Variants in RPTOR observed in about 807,000 individuals in gnomAD.
RPTOR encodes regulatory-associated protein of mTOR.
RPTOR carries 21 observed loss-of-function variants against 169.9 expected under a neutral mutation model. The observed-to-expected ratio is 0.12, with a 90% CI of 0.09 to 0.18. The LOEUF (loss-of-function observed/expected upper bound fraction) is 0.18. Among genes scored for constraint, RPTOR ranks in the 10% least tolerant of loss-of-function variants. RPTOR has a pLI of 1.00. For synonymous variants in RPTOR, 732 were observed against 753.2 expected (o/e 0.97, Z 0.46); for missense variants, 1,133 against 1,855.9 (o/e 0.61, Z 7.16).
At chr17:80,709,433 AT>A (rs775423929) in intron 4 of RPTOR, among the ~76,000 whole-genome samples, 3 of 152,146 alleles carry the variant, frequency 2.0e-5, no homozygotes, top group Non-Finnish European at 4.4e-5. Context: ...GGCACGGCGA[AT>A]CCGGGAGATC....
At chr17:80,661,612 G>C (rs1489337210) in intron 3 of RPTOR, among the ~76,000 whole-genome samples, 1 of 152,170 alleles carries the variant, frequency 6.6e-6, no homozygotes, top group Admixed American at 6.5e-5. Context: ...GATAAGGTCG[G>C]AGAGTCTCTC....
intron 2 of RPTOR, among the ~76,000 whole-genome samples, chr17:80,639,029 G>A (rs2065531779): frequency 6.6e-6 from 1 of 152,186 alleles, no homozygotes; most frequent in Non-Finnish European, 1.5e-5. Context: ...CTTTGCGCCT[G>A]AGCTGAGGAA....
intron 1 of RPTOR, among the ~76,000 whole-genome samples, chr17:80,579,983 G>A (rs537974096): frequency 1.3e-5 from 2 of 152,278 alleles, no homozygotes; most frequent in Non-Finnish European, 1.5e-5. Flanking sequence ...TTTAGAAAGA[G>A]AACTAGAATT....
chr17:80,783,588 G>A (rs1266964667), intron 6 of RPTOR, among the ~76,000 whole-genome samples: 6 of 152,238 alleles, frequency 3.9e-5, no homozygotes, highest in Non-Finnish European at 7.3e-5. Flanking sequence ...CGTGGAAGGT[G>A]TATTCCATTG....
At chr17:80,737,576 G>A (rs992068221) in intron 5 of RPTOR, among the ~76,000 whole-genome samples, 3 of 152,110 alleles carry the variant, frequency 2.0e-5, no homozygotes, top group Admixed American at 6.5e-5. Context: ...GGGCATGGGG[G>A]CTGCCTTCCA....
chr17:80,695,507 C>T lies in RPTOR; in HGVS notation c.349-12334C>T, dbSNP rs1041966303. Among the ~76,000 whole-genome samples the T allele has an allele frequency of 1.3e-5, 2 of 152,094 alleles. No homozygotes were observed. Among genetic ancestry groups the T allele is most frequent in the Non-Finnish European group, 2.9e-5 (2 of 68,016 alleles). On this transcript the variant is annotated intron_variant, in intron 3 of 33. Transcript: ENST00000306801. The surrounding 1 kb of genome is among the most constrained non-coding windows in gnomAD (Gnocchi z 4.9). ...GGTGGCTCACGTGTGGGCTCACCTG[C>T]GTCACTTCTCTCCAGCTCACCTCCA... is the stretch of plus-strand genomic sequence containing the variant.
chr17:80,700,514 GTGATGGTGGTGGTGGTGGTGGTGA>G (rs2066079295), intron 3 of RPTOR, among the ~76,000 whole-genome samples: 6 of 115,970 alleles, frequency 5.2e-5, no homozygotes, highest in Non-Finnish European at 1.1e-4. Context: ...GATGGTGATG[GTGATGGTGGTGGTGGTGGTGGTGA>G]TGATGATGGT....
chr17:80,962,086 C>T (rs2069350709), intron 31 of RPTOR, among the ~76,000 whole-genome samples: 1 of 152,228 alleles, frequency 6.6e-6, no homozygotes, highest in Non-Finnish European at 1.5e-5. Context: ...GCCTGCCATC[C>T]AGGCTCTGTC....
chr17:80,605,296 C>T (rs1427217175), intron 1 of RPTOR, among the ~76,000 whole-genome samples: 3 of 152,172 alleles, frequency 2.0e-5, no homozygotes, highest in Admixed American at 1.3e-4. Flanking sequence ...CTCTCATCCT[C>T]CTGCTTTTAC....
At chr17:80,858,916 C>G (rs182250943) in intron 13 of RPTOR, among the ~76,000 whole-genome samples, 2 of 152,316 alleles carry the variant, frequency 1.3e-5, no homozygotes, top group East Asian at 3.9e-4. Flanking sequence ...ACAAAGACAT[C>G]AAAGAATGAA....
At chr17:80,618,712 C>G (rs543243394) in intron 1 of RPTOR, among the ~76,000 whole-genome samples, 22 of 152,216 alleles carry the variant, frequency 1.4e-4, no homozygotes, top group African/African-American at 5.1e-4. Flanking sequence ...CTCAAGGTAA[C>G]GAGCTGAGCT....
At chr17:80,617,853 A>AC (rs2065323744) in intron 1 of RPTOR, among the ~76,000 whole-genome samples, 1 of 151,846 alleles carries the variant, frequency 6.6e-6, no homozygotes, top group African/African-American at 2.4e-5. Context: ...TCATTTAGAG[A>AC]CCCCCAGGCA....
At chr17:80,952,522 C>T (rs55803650) in intron 28 of RPTOR, among the ~76,000 whole-genome samples, 9 of 152,232 alleles carry the variant, frequency 5.9e-5, no homozygotes, top group African/African-American at 1.4e-4. Flanking sequence ...CTCCCGGACC[C>T]GCTTGCCCAG....
intron 20 of RPTOR, among the ~76,000 whole-genome samples, chr17:80,903,722 A>C (rs563685003): frequency 1.3e-5 from 2 of 152,292 alleles, no homozygotes; most frequent in East Asian, 3.9e-4. Context: ...CCCCGCGTGC[A>C]GCTCCAGAGA....
intron 3 of RPTOR, among the ~76,000 whole-genome samples, chr17:80,698,433 C>A (rs2066055700): frequency 6.6e-6 from 1 of 152,120 alleles, no homozygotes; most frequent in South Asian, 2.1e-4. Flanking sequence ...GTTTCTGCAC[C>A]GTTGTCACCA....
intron 5 of RPTOR, among the ~76,000 whole-genome samples, chr17:80,732,730 T>G (rs1370079330): frequency 1.3e-5 from 2 of 152,250 alleles, no homozygotes; most frequent in African/African-American, 4.8e-5. Flanking sequence ...ACAGTGGAAA[T>G]TAAAATGATA....
At chr17:80,807,995 CTGCTAAAAACTAATCTA>C (rs1437422215) in intron 7 of RPTOR, among the ~76,000 whole-genome samples, 1 of 152,102 alleles carries the variant, frequency 6.6e-6, no homozygotes, top group Non-Finnish European at 1.5e-5. Context: ...AACGTGCATC[CTGCTAAAAACTAATCTA>C]AGCCTGGCAC....
At chr17:80,954,624 T>C (rs1411582095) in intron 28 of RPTOR, among the ~76,000 whole-genome samples, 1 of 152,112 alleles carries the variant, frequency 6.6e-6, no homozygotes, top group Non-Finnish European at 1.5e-5. Context: ...AACTAGAAAA[T>C]GTAATTATAA....
At chr17:80,793,234 A>G (rs953317673) in intron 7 of RPTOR, among the ~76,000 whole-genome samples, 1 of 152,218 alleles carries the variant, frequency 6.6e-6, no homozygotes, top group African/African-American at 2.4e-5. Context: ...GGTAAGTATA[A>G]TGCAGATATT....
Sources: allele counts gnomAD v4.1 joint callset (sites outside exome capture counted in the v4.1 genomes callset), GRCh38; gene constraint gnomAD v4.1.1; non-coding constraint Gnocchi (gnomAD v3.1); transcripts MANE v1.5; gene names NCBI Gene and HGNC (gene_info 2026-07-23, HGNC 2026-07-21).